Variants in AQR observed in about 807,000 individuals in gnomAD.
AQR encodes aquarius intron-binding spliceosomal factor, also known as RNA helicase aquarius.
AQR carries 61 observed loss-of-function variants against 180.5 expected under a neutral mutation model. That is an observed-to-expected ratio of 0.34 (90% confidence interval 0.28 to 0.42). The LOEUF (loss-of-function observed/expected upper bound fraction) is 0.42, where lower values mean the gene tolerates loss of function less well. Ranked by LOEUF, AQR falls within the 10% of genes least tolerant of loss-of-function variation. The pLI is 1.00. For missense variants in AQR, 1,281 were observed against 1,798.3 expected (o/e 0.71, Z 5.20); for synonymous variants, 551 against 588.8 (o/e 0.94, Z 0.93).
chr15:34,897,770 G>T, intron 20 of AQR, 65 bp from the exon 21 acceptor site: 1 of 1,539,180 alleles, frequency 6.5e-7, no homozygotes, highest in Non-Finnish European at 8.9e-7. Context: ...CCTATCTGGT[G>T]CATGACATTG....
intron 3 of AQR, among the ~76,000 whole-genome samples, chr15:34,957,473 G>A (rs574137706): frequency 8.0e-4 from 122 of 152,064 alleles, no homozygotes; most frequent in Non-Finnish European, 1.4e-3. Context: ...TTGGGAGGCC[G>A]AGGCAAGCGG....
At position 34,853,419 on chromosome 15, in the gene AQR, G is replaced by A. The variant is rs1892542573; in HGVS notation, c.*3373C>T. 1 of 152,130 alleles carries A rather than the reference G, an allele frequency of 6.6e-6. No homozygotes were observed. The highest frequency in any genetic ancestry group is 6.5e-5 in the Admixed American group (1 of 15,278). The allele number at this position is 152,130 out of a possible 1,614,324, so 9.4% of individuals were successfully genotyped here. ...AATTCAGAACTGATAGAAGTTATCA[G>A]CTCCATATTTCAGAAAGACCTAATG... On this transcript the variant is annotated 3_prime_UTR_variant, in exon 35 of 35. Coordinates refer to ENST00000156471, the MANE Select transcript of AQR (RefSeq NM_014691.3).
At chr15:34,883,146 G>C (rs1045067456) in intron 26 of AQR, among the ~76,000 whole-genome samples, 2 of 152,134 alleles carry the variant, frequency 1.3e-5, no homozygotes, top group Non-Finnish European at 2.9e-5. Context: ...GGAACCACAA[G>C]TTTTTCCAGC....
At chr15:34,893,295 T>C (rs1379176186) in intron 23 of AQR, among the ~76,000 whole-genome samples, 1 of 152,080 alleles carries the variant, frequency 6.6e-6, no homozygotes, top group Non-Finnish European at 1.5e-5. Flanking sequence ...CCGCACAATA[T>C]AAACTACCCC....
intron 14 of AQR, among the ~76,000 whole-genome samples, 199 bp from the exon 15 acceptor site, chr15:34,918,577 G>A (rs1893632773): frequency 1.3e-5 from 2 of 152,174 alleles, no homozygotes; most frequent in South Asian, 2.1e-4. Context: ...ACAGACCTGA[G>A]TTCAAATCCC....
intron 30 of AQR, among the ~76,000 whole-genome samples, chr15:34,873,438 A>AT (rs1319047034): frequency 1.3e-5 from 2 of 152,094 alleles, no homozygotes; most frequent in East Asian, 1.9e-4. Context: ...GTTAGTCTTG[A>AT]TTTTTTAAAA....
intron 27 of AQR, among the ~76,000 whole-genome samples, chr15:34,879,518 A>T (rs543129728): frequency 2.0e-4 from 30 of 152,166 alleles, no homozygotes; most frequent in Non-Finnish European, 3.5e-4. Flanking sequence ...CCCCCTGTAT[A>T]TTTTCTAATA....
At chr15:34,893,042 T>C (rs1333396262) in intron 23 of AQR, among the ~76,000 whole-genome samples, 1 of 152,206 alleles carries the variant, frequency 6.6e-6, no homozygotes, top group Non-Finnish European at 1.5e-5. Context: ...ATAAATCATC[T>C]ATTAATACAT....
intron 7 of AQR, among the ~76,000 whole-genome samples, 178 bp downstream of exon 7, chr15:34,941,834 G>A (rs768679625): frequency 9.9e-5 from 15 of 151,882 alleles, no homozygotes; most frequent in South Asian, 2.1e-4. Flanking sequence ...GTTAAACATC[G>A]AATGCATATA....
At chr15:34,960,383 G>A (rs2050267808) in intron 3 of AQR, among the ~76,000 whole-genome samples, 1 of 152,028 alleles carries the variant, frequency 6.6e-6, no homozygotes, top group Non-Finnish European at 1.5e-5. Context: ...TATCACTTCT[G>A]TGTTTATTAT....
rs1893834112 is a variant in AQR, at chr15:34,930,397, A to C, written c.901-26T>G. The C allele has an allele frequency of 6.1e-6, 8 of 1,306,910 alleles. 1 individual carries two copies. Among genetic ancestry groups the C allele is most frequent in the Middle Eastern group, 1.8e-4 (1 of 5,480 alleles). 81.0% of individuals were successfully genotyped at this position (1,306,910 alleles called of 1,614,324 possible). On this transcript the variant is annotated intron_variant, in intron 11 of 34. Coordinates refer to ENST00000156471, the MANE Select transcript of AQR (RefSeq NM_014691.3). ...CTGAAGAAACACATTTACATGTATA[A>C]ATCATATGAACATAAGGGCAAGAAA... is the stretch of plus-strand genomic sequence containing the variant.
intron 34 of AQR, among the ~76,000 whole-genome samples, chr15:34,859,677 T>G (rs577927600): frequency 6.6e-6 from 1 of 152,188 alleles, no homozygotes; most frequent in Admixed American, 6.5e-5. Flanking sequence ...AGAAAGCAGA[T>G]CCTTGGCTGC....
chr15:34,883,873 C>T (rs1893013358), intron 26 of AQR, among the ~76,000 whole-genome samples: 1 of 152,188 alleles, frequency 6.6e-6, no homozygotes, highest in Non-Finnish European at 1.5e-5. Flanking sequence ...TGACTCATTT[C>T]ACTTTAATAA....
At chr15:34,911,557 A>C (rs1236956026) in intron 16 of AQR, among the ~76,000 whole-genome samples, 1 of 152,136 alleles carries the variant, frequency 6.6e-6, no homozygotes, top group Non-Finnish European at 1.5e-5. Context: ...GATGTGGAAC[A>C]CCTTTTCATC....
At chr15:34,948,115 C>A in intron 5 of AQR, 149 bp downstream of exon 5, 1 of 815,950 alleles carries the variant, frequency 1.2e-6, no homozygotes, top group East Asian at 2.8e-5. Context: ...GAAAACATAT[C>A]TTTCACATAC....
Position 34,897,560 on chromosome 15 carries a change from G to A in AQR, c.2389C>T (p.Arg797Cys), listed in dbSNP as rs201758262. 41 of 1,613,860 alleles carry A rather than the reference G, an allele frequency of 2.5e-5. 1 individual carries two copies. Among genetic ancestry groups the A allele is most frequent in the South Asian group, 2.1e-4 (19 of 91,034 alleles). Residue 797 changes from arginine to cysteine, a missense_variant and splice_region_variant, in exon 21 of 35, where the codon CGT becomes TGT. By Grantham distance (180) the Arg-to-Cys change is radical. This residue lies in a region of AQR where 112 missense variants were observed against 128.6 expected (regional missense o/e 0.87). Transcript: ENST00000156471. ...RGPYPYNQPKRNTIQFTHTQI... is the reference protein window; with the variant it reads ...RGPYPYNQPKCNTIQFTHTQI... ...AATTATAATAGGTAGTAAAATTACC[G>A]TTTGGGTTGATTATAAGGATAAGGA...
intron 18 of AQR, among the ~76,000 whole-genome samples, chr15:34,905,745 G>C (rs1040527798): frequency 3.4e-5 from 3 of 87,766 alleles, no homozygotes; most frequent in Non-Finnish European, 5.3e-5. Flanking sequence ...GAGATATTTA[G>C]AGTGTTTCTT....
chr15:34,856,705 A>G lies in AQR; in HGVS notation c.*87T>C. 2 of 1,152,448 alleles carry G rather than the reference A, an allele frequency of 1.7e-6. No homozygotes were observed. Among genetic ancestry groups the G allele is most frequent in the Non-Finnish European group, 2.4e-6 (2 of 843,446 alleles). 71.4% of individuals were successfully genotyped at this position (1,152,448 alleles called of 1,614,324 possible). ...CTAAACATTAATTAGTGACAGTAAA[A>G]TGGCAGAAGCAAATATAAAATACAA... On this transcript the variant is annotated 3_prime_UTR_variant, in exon 35 of 35. Transcript: ENST00000156471.
At chr15:34,938,628 A>G in intron 9 of AQR, 109 bp downstream of exon 9, 1 of 725,808 alleles carries the variant, frequency 1.4e-6, no homozygotes, top group Non-Finnish European at 2.4e-6. Context: ...CACTTTGCCA[A>G]TACAATTTAA....
Sources: allele counts gnomAD v4.1 joint callset (sites outside exome capture counted in the v4.1 genomes callset), GRCh38; gene constraint gnomAD v4.1.1; regional missense constraint gnomAD v4.1.1; transcripts MANE v1.5; gene names NCBI Gene and HGNC (gene_info 2026-07-23, HGNC 2026-07-21).